A2ML1: variants seen among roughly 807,000 people sequenced by gnomAD.
A2ML1 encodes the protein alpha-2-macroglobulin like 1.
A neutral mutation model predicts 181.9 loss-of-function variants in A2ML1; 161 were observed. That is an observed-to-expected ratio of 0.89 (90% confidence interval 0.78 to 1.01). The LOEUF is 1.01. Among genes scored for constraint, A2ML1 ranks in the 50% least tolerant of loss-of-function variants. The pLI, the probability that A2ML1 is intolerant of heterozygous loss-of-function variation, is 0.00. For missense variants in A2ML1, 1,670 were observed against 1,768.1 expected (o/e 0.94, Z 1.00); for synonymous variants, 663 against 666.8 (o/e 0.99, Z 0.09).
In A2ML1 at chr12:8,861,213, T is replaced by A. The variant is rs1243472626; in HGVS notation, c.3418T>A (p.Leu1140Met). ...STTNLYTQAL[L>M]AYIFSLAGEM... is the part of the protein sequence containing the mutation. ...GACCAACCTCTACACACAGGCCCTG[T>A]TGGCTTACATTTTCTCCCTGGCTGG... The change falls in exon 28 of 36, where the codon TTG becomes ATG. Residue 1140 changes from leucine to methionine, a missense_variant. By Grantham distance (15) the Leu-to-Met change is conservative. Transcript: ENST00000299698. The A allele has an allele frequency of 1.2e-6, 2 of 1,614,188 alleles. No individual in the cohort carries two copies. The highest frequency in any genetic ancestry group is 2.2e-5 in the South Asian group (2 of 91,084).
intron 33 of A2ML1, 107 bp from the exon 34 acceptor site, chr12:8,874,318 G>C: frequency 1.2e-6 from 1 of 869,504 alleles, no homozygotes; most frequent in Admixed American, 2.1e-5. Flanking sequence ...GCCTGGCGGG[G>C]CTTCAGAAAA....
chr12:8,847,583 C>T lies in A2ML1; in HGVS notation c.1718C>T (p.Pro573Leu), dbSNP rs1432449630. Residue 573 changes from proline (P) to leucine (L), a missense_variant, in exon 15 of 36, where the codon CCA becomes CTA. By Grantham distance (98) the Pro-to-Leu change is moderately conservative (BLOSUM62 -3). Coordinates refer to ENST00000299698, the MANE Select transcript of A2ML1 (RefSeq NM_144670.6). ...SLGFSPSQQL[P>L]GAEVELQLQA... is the part of the protein sequence containing the mutation. ...GGCTTCTCCCCCTCCCAGCAGCTTC[C>T]AGGAGCAGAAGTGGAGCTGCAGCTG... 3.7e-6 allele frequency: 6 copies of T among 1,613,054 alleles called. No homozygotes were observed. The highest frequency in any genetic ancestry group is 3.3e-5 in the Admixed American group (2 of 59,852).
intron 13 of A2ML1, among the ~76,000 whole-genome samples, chr12:8,845,869 TAAAATA>T (rs1565475773): frequency 1.4e-4 from 14 of 96,946 alleles, no homozygotes; most frequent in African/African-American, 7.5e-4. Context: ...AAAAAATAAA[TAAAATA>T]AAATAAAATA....
chr12:8,850,345 G>T, intron 18 of A2ML1, 71 bp downstream of exon 18: 1 of 1,164,698 alleles, frequency 8.6e-7, no homozygotes, highest in Non-Finnish European at 1.2e-6. Flanking sequence ...AACACTTTGG[G>T]AGGCTTAGGA....
intron 26 of A2ML1, among the ~76,000 whole-genome samples, chr12:8,858,483 G>A (rs1944148779): frequency 6.6e-6 from 1 of 152,116 alleles, no homozygotes; most frequent in South Asian, 2.1e-4. Context: ...CTACTTGGGT[G>A]GTTGAGGTTG....
downstream of A2ML1, among the ~76,000 whole-genome samples, chr12:8,880,044 C>CA (rs1565500150): frequency 6.6e-6 from 1 of 151,884 alleles, no homozygotes; most frequent in East Asian, 1.9e-4. Flanking sequence ...ACAGTGTGAC[C>CA]AAAAAAATGA....
At chr12:8,844,907 G>T in intron 12 of A2ML1, 1 of 1,082,082 alleles carries the variant, frequency 9.2e-7, no homozygotes, top group South Asian at 2.7e-5. Context: ...AGCGTGGGAT[G>T]AGAGCCTGCT....
chr12:8,863,333 C>T (rs535745612), intron 28 of A2ML1, among the ~76,000 whole-genome samples: 31 of 152,020 alleles, frequency 2.0e-4, no homozygotes, highest in African/African-American at 2.7e-4. Context: ...CTCAAACTCC[C>T]GACCTCAGGT....
At position 8,843,242 on chromosome 12, in the gene A2ML1, C is replaced by T; in HGVS notation, c.1357C>T (p.Leu453Phe). 1 of 1,614,186 alleles carries T rather than the reference C, an allele frequency of 6.2e-7. No individual in the cohort carries two copies. The highest frequency in any genetic ancestry group is 8.5e-7 in the Non-Finnish European group (1 of 1,180,034). The change falls in exon 12 of 36, where the codon CTT becomes TTT. Residue 453 changes from leucine to phenylalanine, a missense_variant. Transcript: ENST00000299698. Reference sequence around the variant, plus strand: ...CTTCTACAGCACAACCCGCAGCTTCCTTGGCATCCACCGGCTAAACGGCCC... The same window carrying T: ...CTTCTACAGCACAACCCGCAGCTTCTTTGGCATCCACCGGCTAAACGGCCC... ...RPFYSTTRSF[L>F]GIHRLNGPLK...
At chr12:8,842,225 T>C (rs571471518) in intron 11 of A2ML1, among the ~76,000 whole-genome samples, 9 of 151,416 alleles carry the variant, frequency 5.9e-5, no homozygotes, top group African/African-American at 1.7e-4. Flanking sequence ...TTTTTTCTTT[T>C]TTTTTTTTTT....
intron 10 of A2ML1, among the ~76,000 whole-genome samples, chr12:8,839,934 A>C (rs1002128566): frequency 7.9e-5 from 12 of 151,936 alleles, no homozygotes; most frequent in African/African-American, 2.4e-4. Flanking sequence ...TTTAGTAGAG[A>C]TGGGGTTTCT....
Position 8,851,943 on chromosome 12 carries a change from C to T in A2ML1, c.2394C>T (p.Tyr798=), listed in dbSNP as rs759858160. 1 of 1,614,204 alleles carries T rather than the reference C, an allele frequency of 6.2e-7. No homozygotes were observed. The highest frequency in any genetic ancestry group is 8.5e-7 in the Non-Finnish European group (1 of 1,180,038). The change falls in exon 19 of 36, where the codon TAC becomes TAT. Residue 798 remains tyrosine, a synonymous_variant. Coordinates refer to ENST00000299698, the MANE Select transcript of A2ML1 (RefSeq NM_144670.6). Reference sequence around the variant, plus strand: ...TCTTTGTTGACCTGACTCTCCCTTACTCAGTAGTCCGTGGGGAATCCTTTC... The same window carrying T: ...TCTTTGTTGACCTGACTCTCCCTTATTCAGTAGTCCGTGGGGAATCCTTTC... ...KPFFVDLTLP[Y]SVVRGESFRL...
At chr12:8,845,947 G>A in intron 13 of A2ML1, 130 bp from the exon 14 acceptor site, 2 of 877,672 alleles carry the variant, frequency 2.3e-6, no homozygotes, top group Non-Finnish European at 3.4e-6. Context: ...TATCACAGGA[G>A]AAGAGAAAAA....
chr12:8,840,985 A>AGGAG (rs2136799479), intron 10 of A2ML1, among the ~76,000 whole-genome samples: 1 of 85,020 alleles, frequency 1.2e-5, no homozygotes, highest in South Asian at 7.2e-4. Flanking sequence ...GAAAGAAGGA[A>AGGAG]GGAAGGAAGG....
rs1222149201 is a variant in A2ML1 at position 8,845,484 on chromosome 12, C to G, written c.1519C>G (p.Leu507Val). The G allele has an allele frequency of 1.2e-6, 2 of 1,613,990 alleles. No individual in the cohort carries two copies. The highest frequency in any genetic ancestry group is 2.2e-5 in the East Asian group (1 of 44,888). The part of the protein sequence containing the change: ...GSLVMEGQKH[L>V]NSKKKGLKAS... ...TTTGGTGATGGAGGGGCAGAAACAC[C>G]TGAACTCTAAGAAGAAAGGTGAGTG... is the stretch of plus-strand genomic sequence containing the variant. Residue 507 changes from leucine to valine, a missense_variant, in exon 13 of 36, where the codon CTG becomes GTG. Physicochemically the swap from Leu to Val is conservative, Grantham distance 32. Transcript: ENST00000299698.
intron 14 of A2ML1, 34 bp from the exon 15 acceptor site, chr12:8,847,515 C>G (rs1565477347): frequency 6.3e-7 from 1 of 1,578,630 alleles, no homozygotes; most frequent in Non-Finnish European, 8.6e-7. Flanking sequence ...TCCAGGCTGA[C>G]CTGATCCCCA....
chr12:8,842,435 G>T (rs976466847), intron 11 of A2ML1, among the ~76,000 whole-genome samples: 1 of 152,056 alleles, frequency 6.6e-6, no homozygotes, highest in Non-Finnish European at 1.5e-5. Flanking sequence ...TAGCCAGGAT[G>T]GTCTCGATCT....
chr12:8,823,071 A>C, intron 1 of A2ML1, 111 bp from the exon 2 acceptor site: 2 of 1,073,126 alleles, frequency 1.9e-6, no homozygotes, highest in Non-Finnish European at 1.3e-6. Context: ...TAAGGAAGGC[A>C]GGGGCTTGGT....
downstream of A2ML1, among the ~76,000 whole-genome samples, chr12:8,880,053 G>C (rs767921727): frequency 6.6e-6 from 1 of 152,216 alleles, no homozygotes; most frequent in South Asian, 2.1e-4. Context: ...CCAAAAAAAT[G>C]ATAGAAGAAA....
Sources: gnomAD v4.1 joint callset for allele counts (sites outside exome capture counted in the v4.1 genomes callset) on GRCh38, gnomAD v4.1.1 for gene constraint, MANE v1.5 for transcripts, NCBI Gene and HGNC (gene_info 2026-07-23, HGNC 2026-07-21) for gene names.